The following SF1 variants were observed in gnomAD, a reference collection of about 807,000 sequenced individuals.
The protein encoded by SF1 is branch point-binding protein.
SF1 carries 7 observed loss-of-function variants against 62.5 expected under a neutral mutation model. That is an observed-to-expected ratio of 0.11 (90% CI 0.06 to 0.21). The LOEUF is 0.21. Among genes scored for constraint, SF1 ranks in the 10% least tolerant of loss-of-function variants. SF1 has a pLI of 1.00. For missense variants in SF1, 578 were observed against 884.0 expected, an observed-to-expected ratio of 0.65 and a Z score of 4.39; for synonymous variants, 394 against 323.6, an observed-to-expected ratio of 1.22 and a Z score of -2.33.
intron 3 of SF1, chr11:64,771,516 G>T: frequency 4.1e-6 from 4 of 985,326 alleles, no homozygotes; most frequent in Non-Finnish European, 4.8e-6. Context: ...GACTGAACTC[G>T]GCTGCTCCCA....
intron 10 of SF1, 46 bp from the exon 11 acceptor site, chr11:64,767,297 G>A (rs1455646974): frequency 3.8e-6 from 6 of 1,568,850 alleles, no homozygotes; most frequent in Middle Eastern, 1.7e-4. Flanking sequence ...ATTGGAACTG[G>A]CCAGGGAAGC....
At chr11:64,772,169 C>A (rs1459948414) in intron 3 of SF1, 4 of 985,166 alleles carry the variant, frequency 4.1e-6, no homozygotes, top group Non-Finnish European at 4.8e-6. Flanking sequence ...GCTAGATCAA[C>A]TAAATTCTAA....
chr11:64,766,390 CT>C (rs2058671818), intron 12 of SF1: 1 of 573,490 alleles, frequency 1.7e-6, no homozygotes, highest in Non-Finnish European at 3.1e-6. Context: ...ACCAATGCCC[CT>C]GGAAGGGCTG....
At position 64,765,649 on chromosome 11, in the gene SF1, A is replaced by G; in HGVS notation, c.*169T>C. The G allele has an allele frequency of 2.0e-6, 3 of 1,491,040 alleles. No individual in the cohort carries two copies. The South Asian group carries it at 4.2e-5, about 21-fold the overall frequency. The allele number at this position is 1,491,040 out of a possible 1,614,324, so 92.4% of individuals were successfully genotyped here. A position where few individuals can be genotyped will look rare whatever the true frequency, so the allele number is the denominator to read the frequency against. Reference sequence around the variant, plus strand: ...CCCTACTACCACCTGCCCGTTCCCAAGCGAATCCTCAGTCGCTTGGCCCAG... The same window carrying G: ...CCCTACTACCACCTGCCCGTTCCCAGGCGAATCCTCAGTCGCTTGGCCCAG... On this transcript the variant is annotated 3_prime_UTR_variant, in exon 13 of 13. Transcript: ENST00000377390.
chr11:64,768,181 G>A lies in SF1; in HGVS notation c.993C>T (p.Ser331=), dbSNP rs201681240. The change falls in exon 9 of 13, where the codon TCC becomes TCT. Residue 331 remains serine (S), a synonymous_variant. Transcript: ENST00000377390. Reference sequence around the variant, plus strand: ...GGGGTGTGGTGGCAGGCCCAGAGGTGGAGCCCACAGATGCTGGGACAGGTG... The same window carrying A: ...GGGGTGTGGTGGCAGGCCCAGAGGTAGAGCCCACAGATGCTGGGACAGGTG... ...GEAPVPASVG[S]TSGPATTPLA... 3.7e-6 allele frequency: 6 copies of A among 1,613,842 alleles called. No individual in the cohort carries two copies. Among genetic ancestry groups the A allele is most frequent in the Non-Finnish European group, 5.1e-6 (6 of 1,179,946 alleles).
At position 64,767,698 on chromosome 11, in the gene SF1, T is replaced by C. The variant is rs771294154; in HGVS notation, c.1215A>G (p.Thr405=). ...HSFPHPLPSL[T]GGHGGHPMQH... ...GCATGGGATGTCCACCATGCCCACC[T>C]GTCAGGCTGGGTAATGGGTGTGGGA... Residue 405 remains threonine, a synonymous_variant, in exon 10 of 13, where the codon ACA becomes ACG. Coordinates refer to ENST00000377390, the MANE Select transcript of SF1 (RefSeq NM_004630.4). 4.3e-6 allele frequency: 7 copies of C among 1,611,456 alleles called. No individual in the cohort carries two copies. The South Asian group carries it at 5.5e-5, about 13-fold the overall frequency.
At chr11:64,773,899 C>G (rs1351183072) in intron 2 of SF1, among the ~76,000 whole-genome samples, 2 of 152,170 alleles carry the variant, frequency 1.3e-5, no homozygotes, top group Non-Finnish European at 2.9e-5. Context: ...CATCAAATTA[C>G]TTGAGGGCAA....
chr11:64,765,702 T>C lies in SF1; in HGVS notation c.*116A>G. 1 of 1,466,556 alleles carries C rather than the reference T, an allele frequency of 6.8e-7. No homozygotes were observed. The highest frequency in any genetic ancestry group is 2.5e-4 in the Middle Eastern group (1 of 3,936). 90.8% of individuals were successfully genotyped at this position (1,466,556 alleles called of 1,614,324 possible). A position where few individuals can be genotyped will look rare whatever the true frequency, so the allele number is the denominator to read the frequency against. The stretch of plus-strand genomic sequence containing the variant: ...CAGTGCGTGCACACACACACATGCG[T>C]GCACACACAATCACATGCGTGCGTC... On this transcript the variant is annotated 3_prime_UTR_variant, in exon 13 of 13. Transcript: ENST00000377390.
At chr11:64,773,569 A>G (rs944420171) in intron 2 of SF1, 64 bp from the exon 3 acceptor site, 1 of 1,526,670 alleles carries the variant, frequency 6.6e-7, no homozygotes, top group Non-Finnish European at 8.9e-7. Context: ...ACCAATAAAC[A>G]TCTCAAATCT....
intron 12 of SF1, 45 bp downstream of exon 12, chr11:64,766,855 A>ACCGGC: frequency 5.7e-6 from 3 of 528,762 alleles, no homozygotes; most frequent in African/African-American, 2.0e-5. Flanking sequence ...TGTCAGCCCC[A>ACCGGC]CCCCCATCCC....
intron 2 of SF1, among the ~76,000 whole-genome samples, chr11:64,775,611 G>A (rs570264696): frequency 3.3e-4 from 50 of 152,308 alleles, no homozygotes; most frequent in African/African-American, 1.1e-3. Flanking sequence ...CCACAGCCTC[G>A]TAGGTTTAGG....
chr11:64,766,646 G>A, intron 12 of SF1: 1 of 438,240 alleles, frequency 2.3e-6, no homozygotes, highest in Admixed American at 3.9e-5. Flanking sequence ...TGGACTTCTG[G>A]CCCCCTACCT....
rs1327444809 is a variant in SF1 at position 64,764,648 on chromosome 11, G to A, written c.*1170C>T. On this transcript the variant is annotated 3_prime_UTR_variant, in exon 13 of 13. Transcript: ENST00000377390. Reference sequence around the variant, plus strand: ...CTCTTTTATTCAATGGAACATCCCCGCTTTAGCGCAGTGTTGAATCTAACA... The same window carrying A: ...CTCTTTTATTCAATGGAACATCCCCACTTTAGCGCAGTGTTGAATCTAACA... 1 of 152,562 alleles carries A rather than the reference G, an allele frequency of 6.6e-6. No homozygotes were observed. The highest frequency in any genetic ancestry group is 2.4e-5 in the African/African-American group (1 of 41,428). 9.5% of individuals were successfully genotyped at this position (152,562 alleles called of 1,614,324 possible).
chr11:64,777,233 A>C (rs1398551433), intron 1 of SF1, among the ~76,000 whole-genome samples: 4 of 152,158 alleles, frequency 2.6e-5, no homozygotes, highest in African/African-American at 9.7e-5. Flanking sequence ...ATCTATCAAA[A>C]ATTCAACAAC....
chr11:64,775,690 CT>C, intron 2 of SF1, among the ~76,000 whole-genome samples: 1 of 152,286 alleles, frequency 6.6e-6, no homozygotes, highest in East Asian at 1.9e-4. Context: ...ATAAAGTGAA[CT>C]TTTTTGAGAC....
intron 1 of SF1, chr11:64,778,087 G>T: frequency 2.1e-6 from 2 of 942,962 alleles, no homozygotes; most frequent in Non-Finnish European, 2.6e-6. Flanking sequence ...GCGGCGGAGG[G>T]GGCGGCTGCG....
At chr11:64,767,888 T>C (rs1348000748) in intron 9 of SF1, 44 bp from the exon 10 acceptor site, 2 of 1,592,576 alleles carry the variant, frequency 1.3e-6, no homozygotes, top group Non-Finnish European at 8.5e-7. Context: ...CTGCGCCTCC[T>C]AGTGGCAACA....
intron 12 of SF1, chr11:64,766,597 G>C (rs866064002): frequency 1.1e-4 from 45 of 412,368 alleles, no homozygotes; most frequent in African/African-American, 8.0e-4. Flanking sequence ...TATGCACCAG[G>C]CTCAGTCCAG....
Position 64,767,595 on chromosome 11 carries a change from C to T in SF1, c.1318G>A (p.Gly440Arg). 6.4e-7 allele frequency: 1 copy of T among 1,573,246 alleles called. No homozygotes were observed. The highest frequency in any genetic ancestry group is 8.6e-7 in the Non-Finnish European group (1 of 1,162,254). ...PPMNQGPHPP[G>R]HHGPPPMDQY... ...CCCATTGGAGGAGGGCCATGGTGCC[C>T]AGGAGGGTGGGGGCCCTGGTTCATC... Residue 440 changes from glycine to arginine, a missense_variant, in exon 10 of 13, where the codon GGG becomes AGG. Around this residue, in one of 7 missense-constraint regions of SF1, gnomAD observed 410 missense variants for 452.4 expected, o/e 0.91. Transcript: ENST00000377390.
Sources: gnomAD v4.1 joint callset for allele counts (sites outside exome capture counted in the v4.1 genomes callset) on GRCh38, gnomAD v4.1.1 for gene constraint, gnomAD v4.1.1 regional missense constraint, MANE v1.5 for transcripts, NCBI Gene and HGNC (gene_info 2026-07-23, HGNC 2026-07-21) for gene names.